DPP7: variants seen among roughly 807,000 people sequenced by gnomAD.
The protein encoded by DPP7 is dipeptidyl peptidase 7, also known as dipeptidyl peptidase 2.
Under a neutral mutation model 58.8 loss-of-function variants are expected in DPP7, and 74 were observed. The ratio of observed to expected loss-of-function variants is 1.26; its 90% CI spans 1.04 to 1.53. The LOEUF (loss-of-function observed/expected upper bound fraction) is 1.53. Among genes scored for constraint, DPP7 ranks in the 40% most tolerant of loss-of-function variants. The probability of loss-of-function intolerance (pLI) is 0.00; values close to 1 mark genes in which losing one functional copy is unlikely to be tolerated. For synonymous variants in DPP7, 350 were observed against 303.6 expected (o/e 1.15, Z -1.59); for missense variants, 807 against 692.3 (o/e 1.17, Z -1.86).
chr9:137,110,561 G>A lies in DPP7; in HGVS notation c.*87C>T, dbSNP rs1484334164. ...GACATACATGGCCAGGCCTCCAGGC[G>A]TTTATTCAGCCCCTTCCCTCTGCCG... On this transcript the variant is annotated 3_prime_UTR_variant, in exon 13 of 13. Coordinates refer to ENST00000371579, the MANE Select transcript of DPP7 (RefSeq NM_013379.3). 3.8e-5 allele frequency: 58 copies of A among 1,513,334 alleles called. No individual in the cohort carries two copies. The highest frequency in any genetic ancestry group is 2.5e-4 in the Middle Eastern group (1 of 4,054). The allele number at this position is 1,513,334 out of a possible 1,614,324, so 93.7% of individuals were successfully genotyped here.
chr9:137,117,906 C>T (rs1238397590), upstream of DPP7, among the ~76,000 whole-genome samples: 1 of 152,130 alleles, frequency 6.6e-6, no homozygotes, highest in Non-Finnish European at 1.5e-5. Context: ...GGACCCCAGC[C>T]CCTGGCACTC....
chr9:137,115,758 A>ATCACGTCACACTGCAACACGAGG (rs1831618491), upstream of DPP7, among the ~76,000 whole-genome samples: 1 of 152,032 alleles, frequency 6.6e-6, no homozygotes, highest in African/African-American at 2.4e-5. Flanking sequence ...GGCAGTGACC[A>ATCACGTCACACTGCAACACGAGG]TCACGTCACA....
chr9:137,113,731 CTA>C (rs1831494258), intron 4 of DPP7, 132 bp downstream of exon 4: 1 of 1,420,084 alleles, frequency 7.0e-7, no homozygotes, highest in Non-Finnish European at 9.2e-7. Context: ...GGAGGCAACA[CTA>C]AGCCTGGAAC....
chr9:137,111,395 G>A (rs1341636898), intron 11 of DPP7, among the ~76,000 whole-genome samples: 1 of 152,152 alleles, frequency 6.6e-6, no homozygotes, highest in African/African-American at 2.4e-5. Flanking sequence ...AGGGGCCTGT[G>A]ATCCCAGCAC....
chr9:137,111,582 G>A lies in DPP7; in HGVS notation c.1272+108C>T, dbSNP rs573465994. ...GAGCCTCAGAGGTCAAGGCTGCAGTGAACCCTGATCTCGCCACTGTATTCC... is the reference window on the plus strand; with the variant it reads ...GAGCCTCAGAGGTCAAGGCTGCAGTAAACCCTGATCTCGCCACTGTATTCC... On this transcript the variant is annotated intron_variant, in intron 11 of 12. Transcript: ENST00000371579. The A allele has an allele frequency of 2.3e-6, 3 of 1,283,890 alleles. No individual in the cohort carries two copies. In the South Asian group the frequency reaches 3.9e-5, roughly 17 times the overall value. 79.5% of individuals were successfully genotyped at this position (1,283,890 alleles called of 1,614,324 possible).
upstream of DPP7, chr9:137,114,911 C>A (rs1289039859): frequency 1.4e-5 from 5 of 355,290 alleles, no homozygotes; most frequent in Non-Finnish European, 2.0e-5. Context: ...GGGCACGGCG[C>A]GGGGAAGCAG....
At position 137,110,947 on chromosome 9, in the gene DPP7, G is replaced by C. The variant is rs149094336; in HGVS notation, c.1276C>G (p.Arg426Gly). ...NLDPWAGGGI[R>G]RNLSASVIAV... The stretch of plus-strand genomic sequence containing the variant: ...ATGACTGAGGCACTCAGGTTCCTCC[G>C]AATCTGTGGTCAGTGGAAAGAACTC... Residue 426 changes from arginine to glycine, a missense_variant, in exon 12 of 13, where the codon CGG (arginine) becomes GGG (glycine). Around this residue, in one of 3 missense-constraint regions of DPP7, gnomAD observed 624 missense variants for 531.2 expected, o/e 1.17. Coordinates refer to ENST00000371579, the MANE Select transcript of DPP7 (RefSeq NM_013379.3). 3 of 1,612,810 alleles carry C rather than the reference G, an allele frequency of 1.9e-6. No homozygotes were observed. Among genetic ancestry groups the C allele is most frequent in the African/African-American group, 1.3e-5 (1 of 74,908 alleles).
At chr9:137,115,882 C>T (rs1432532443), upstream of DPP7, among the ~76,000 whole-genome samples, 4 of 152,144 alleles carry the variant, frequency 2.6e-5, no homozygotes, top group African/African-American at 7.2e-5. Context: ...CCCCGCAGGA[C>T]GGGGGTGAGG....
At chr9:137,112,327 A>C (rs1045332318) in intron 8 of DPP7, 97 bp from the exon 9 acceptor site, 104 of 1,023,264 alleles carry the variant, frequency 1.0e-4, no homozygotes, top group Non-Finnish European at 1.4e-4. Context: ...CCTGCAGGGG[A>C]TCTGGGGCTC....
chr9:137,117,854 C>G (rs1831667043), upstream of DPP7, among the ~76,000 whole-genome samples: 1 of 152,160 alleles, frequency 6.6e-6, no homozygotes, highest in Non-Finnish European at 1.5e-5. Context: ...CTATTTTCCA[C>G]TATCTCATCA....
upstream of DPP7, chr9:137,115,017 G>A (rs1831587657): frequency 3.8e-6 from 1 of 265,318 alleles, no homozygotes; most frequent in Non-Finnish European, 7.1e-6. Flanking sequence ...TCCCTGCTGC[G>A]CCCGCCAAGC....
rs758886708 is a variant in DPP7 at position 137,113,033 on chromosome 9, TC to T, written c.789del (p.Asn264MetfsTer8). The T allele has an allele frequency of 6.2e-7, 1 of 1,613,812 alleles. No homozygotes were observed. The highest frequency in any genetic ancestry group is 8.5e-7 in the Non-Finnish European group (1 of 1,180,012). On this transcript the variant is annotated frameshift_variant, in exon 7 of 13. Coordinates refer to ENST00000371579, the MANE Select transcript of DPP7 (RefSeq NM_013379.3). LOFTEE classifies it high-confidence loss of function. ...KDLTQLFMFA[R>X]NAFTVLAMMD... ...ATCATGGCCAGCACGGTGAAGGCAT[TC>T]CGGGCGAACATGAAGAGCTGGGTCA...
rs544607733 is a variant in DPP7, at chr9:137,112,222, A to G, written c.940T>C (p.Tyr314His). 86 of 1,599,538 alleles carry G rather than the reference A, an allele frequency of 5.4e-5. No homozygotes were observed. The South Asian group carries it at 6.2e-4, about 11-fold the overall frequency. The change falls in exon 9 of 13, where the codon TAC (tyrosine) becomes CAC (histidine). Residue 314 changes from tyrosine to histidine, a missense_variant. Physicochemically the swap from Tyr to His is moderately conservative, Grantham distance 83. Transcript: ENST00000371579. Reference sequence around the variant, plus strand: ...CAGTGCTCGGAGCCCGAGGCGTTGTAGACCAGCCCTGGGGAGGAGAGGCGC... The same window carrying G: ...CAGTGCTCGGAGCCCGAGGCGTTGTGGACCAGCCCTGGGGAGGAGAGGCGC... ...TGLRALAGLV[Y>H]NASGSEHCYD...
chr9:137,110,954 T>C lies in DPP7; in HGVS notation c.1273-4A>G, dbSNP rs202083250. ...AGGCACTCAGGTTCCTCCGAATCTG[T>C]GGTCAGTGGAAAGAACTCCATCAGG... On this transcript the variant is annotated splice_polypyrimidine_tract_variant and splice_region_variant and intron_variant, in intron 11 of 12. Coordinates refer to ENST00000371579, the MANE Select transcript of DPP7 (RefSeq NM_013379.3). 405 of 1,612,648 alleles carry C rather than the reference T, an allele frequency of 2.5e-4. 2 individuals carry two copies. In the African/African-American group the frequency reaches 5.2e-3, roughly 21 times the overall value.
chr9:137,112,718 G>C (rs760910172), intron 8 of DPP7, 27 bp downstream of exon 8: 1 of 1,584,988 alleles, frequency 6.3e-7, no homozygotes, highest in Non-Finnish European at 8.5e-7. Context: ...CTCCACACTT[G>C]CCCATCTGGG....
In DPP7 at chr9:137,113,072, C is replaced by A. The variant is rs1415689956; in HGVS notation, c.751G>T (p.Asp251Tyr). The A allele has an allele frequency of 2.5e-6, 4 of 1,613,830 alleles. No individual in the cohort carries two copies. The highest frequency in any genetic ancestry group is 1.7e-5 in the Admixed American group (1 of 60,010). Reference sequence around the variant, plus strand: ...AAGAGCTGGGTCAGGTCCTTCTCGTCTGACAGCGGCTGGCAGGTGCCGAAC... The same window carrying A: ...AAGAGCTGGGTCAGGTCCTTCTCGTATGACAGCGGCTGGCAGGTGCCGAAC... ...WEFGTCQPLSDEKDLTQLFMF... is the reference protein window; with the variant it reads ...WEFGTCQPLSYEKDLTQLFMF... Residue 251 changes from aspartate (D) to tyrosine (Y), a missense_variant, in exon 7 of 13, where the codon GAC becomes TAC. Physicochemically the swap from Asp to Tyr is radical, Grantham distance 160. Coordinates refer to ENST00000371579, the MANE Select transcript of DPP7 (RefSeq NM_013379.3).
rs893983284 is a variant in DPP7 at position 137,112,314 on chromosome 9, G to A, written c.932-84C>T. ...CCACCAACCTGTCCCCCCTCGGAAT[G>A]GTCCTGCAGGGGATCTGGGGCTCTG... On this transcript the variant is annotated intron_variant, in intron 8 of 12. Transcript: ENST00000371579. The A allele has an allele frequency of 2.2e-5, 24 of 1,113,764 alleles. No homozygotes were observed. The Admixed American group carries it at 5.6e-4, about 26-fold the overall frequency. The allele number at this position is 1,113,764 out of a possible 1,614,324, so 69.0% of individuals were successfully genotyped here. A position where few individuals can be genotyped will look rare whatever the true frequency, so the allele number is the denominator to read the frequency against.
upstream of DPP7, chr9:137,114,743 G>A: frequency 3.2e-6 from 4 of 1,266,000 alleles, no homozygotes; most frequent in South Asian, 8.9e-5. Context: ...CGTCACGTGG[G>A]CGGGGTCACG....
At position 137,113,018 on chromosome 9, in the gene DPP7, G is replaced by C. The variant is rs766298928; in HGVS notation, c.805C>G (p.Leu269Val). The C allele has an allele frequency of 5.6e-6, 9 of 1,613,696 alleles. No individual in the cohort carries two copies. The highest frequency in any genetic ancestry group is 1.1e-5 in the South Asian group (1 of 91,090). Reference protein sequence around the residue: ...FMFARNAFTVLAMMDYPYPTD... With the variant: ...FMFARNAFTVVAMMDYPYPTD... ...GGGTAGGGGTAGTCCATCATGGCCA[G>C]CACGGTGAAGGCATTCCGGGCGAAC... The change falls in exon 7 of 13, where the codon CTG becomes GTG. Residue 269 changes from leucine (L) to valine (V), a missense_variant. By Grantham distance (32) the Leu-to-Val change is conservative. This residue lies in a region of DPP7 where 624 missense variants were observed against 531.2 expected (regional missense o/e 1.17). Transcript: ENST00000371579.
Sources: allele counts gnomAD v4.1 joint callset (sites outside exome capture counted in the v4.1 genomes callset), GRCh38; gene constraint gnomAD v4.1.1; regional missense constraint gnomAD v4.1.1; transcripts MANE v1.5; gene names NCBI Gene and HGNC (gene_info 2026-07-23, HGNC 2026-07-21).